The following RGS21 variants were observed in gnomAD, a reference collection of about 807,000 sequenced individuals.
RGS21 encodes regulator of G-protein signalling 21.
A neutral mutation model predicts 18.7 loss-of-function variants in RGS21; 19 were observed. The ratio of observed to expected loss-of-function variants is 1.01; its 90% CI spans 0.71 to 1.49. The LOEUF is 1.49. Among genes scored for constraint, RGS21 ranks in the 40% most tolerant of loss-of-function variants. RGS21 has a pLI of 0.00. For synonymous variants in RGS21, 56 were observed against 57.8 expected (o/e 0.97, Z 0.14); for missense variants, 194 against 176.8 (o/e 1.10, Z -0.55).
Position 192,324,435 on chromosome 1 carries a change from T to C in RGS21, c.-61+7330T>C, listed in dbSNP as rs984851814. Among the ~76,000 whole-genome samples the C allele has an allele frequency of 2.1e-4, 32 of 152,094 alleles. 1 individual carries two copies. On this transcript the variant is annotated intron_variant, in intron 1 of 4. Coordinates refer to ENST00000417209, the MANE Select transcript of RGS21 (RefSeq NM_001039152.3). ...TGCACTTAACAATTTCATATAGCAG[T>C]AGTTGTAGAATTGAACTGAGTATCA...
intron 1 of RGS21, among the ~76,000 whole-genome samples, chr1:192,324,484 A>G (rs186289547): frequency 6.6e-6 from 1 of 152,228 alleles, no homozygotes; most frequent in African/African-American, 2.4e-5. Flanking sequence ...TTGTTCCCTT[A>G]AGAAGAGTAT....
chr1:192,351,700 CT>C (rs1659043012), intron 3 of RGS21, among the ~76,000 whole-genome samples: 2 of 146,064 alleles, frequency 1.4e-5, no homozygotes, highest in African/African-American at 5.0e-5. Flanking sequence ...GCTATATATG[CT>C]ATATATAGCA....
intron 3 of RGS21, among the ~76,000 whole-genome samples, chr1:192,351,331 C>T (rs1300184805): frequency 3.3e-5 from 5 of 152,056 alleles, no homozygotes; most frequent in Non-Finnish European, 7.4e-5. Context: ...TCGAGTTGGC[C>T]TATATATTTA....
Position 192,351,902 on chromosome 1 carries a change from C to A in RGS21, c.89-145C>A. 5 of 506,878 alleles carry A rather than the reference C, an allele frequency of 9.9e-6. No individual in the cohort carries two copies. In the South Asian group the frequency reaches 1.6e-4, roughly 16 times the overall value. 31.4% of individuals were successfully genotyped at this position (506,878 alleles called of 1,614,324 possible). ...AAATAAAGTTTTCTAGAGTTAGCAACTAAAACATACATTACATTTAGATGC... is the reference window on the plus strand; with the variant it reads ...AAATAAAGTTTTCTAGAGTTAGCAAATAAAACATACATTACATTTAGATGC... On this transcript the variant is annotated intron_variant, in intron 3 of 4. Coordinates refer to ENST00000417209, the MANE Select transcript of RGS21 (RefSeq NM_001039152.3).
chr1:192,352,608 T>C (rs1054705594), intron 4 of RGS21, among the ~76,000 whole-genome samples: 6 of 152,086 alleles, frequency 3.9e-5, no homozygotes, highest in Non-Finnish European at 7.4e-5. Context: ...ATGGATAGCA[T>C]TCTTGAATAT....
At chr1:192,354,984 T>C (rs1370215286) in intron 4 of RGS21, among the ~76,000 whole-genome samples, 1 of 151,722 alleles carries the variant, frequency 6.6e-6, no homozygotes, top group Non-Finnish European at 1.5e-5. Context: ...AGACTATATA[T>C]TGAACTTTCA....
intron 1 of RGS21, among the ~76,000 whole-genome samples, chr1:192,318,025 A>G (rs1246540963): frequency 6.6e-6 from 1 of 152,072 alleles, no homozygotes; most frequent in African/African-American, 2.4e-5. Flanking sequence ...CCTAAAACTT[A>G]TGACACCAAA....
At chr1:192,338,816 G>A (rs79232814) in intron 1 of RGS21, among the ~76,000 whole-genome samples, 21,752 of 151,852 alleles carry the variant, frequency 0.14, 1,672 homozygotes, top group South Asian at 0.24. Context: ...AATACTTATT[G>A]AATACATGAA....
intron 1 of RGS21, among the ~76,000 whole-genome samples, chr1:192,330,594 AAG>A (rs1658632672): frequency 1.3e-5 from 2 of 152,194 alleles, no homozygotes; most frequent in Admixed American, 6.6e-5. Flanking sequence ...GTTTTTCAGT[AAG>A]ACTCTTCTAA....
At chr1:192,348,633 CTTAG>C (rs1166163396) in intron 3 of RGS21, among the ~76,000 whole-genome samples, 2 of 152,042 alleles carry the variant, frequency 1.3e-5, no homozygotes, top group African/African-American at 4.8e-5. Flanking sequence ...AATAAAATAT[CTTAG>C]TTAACACAAC....
At chr1:192,346,343 T>TC (rs1658943841) in intron 2 of RGS21, among the ~76,000 whole-genome samples, 1 of 152,260 alleles carries the variant, frequency 6.6e-6, no homozygotes, top group East Asian at 1.9e-4. Context: ...AGATTAGTTA[T>TC]CTTGCCGTGC....
At chr1:192,347,270 T>C (rs1658963742) in intron 2 of RGS21, 43 bp from the exon 3 acceptor site, 1 of 1,155,364 alleles carries the variant, frequency 8.7e-7, no homozygotes, top group Non-Finnish European at 1.3e-6. Context: ...ATATTACTAT[T>C]GGTTAAAGAA....
chr1:192,364,067 T>C (rs572117674), intron 4 of RGS21, among the ~76,000 whole-genome samples: 1 of 152,250 alleles, frequency 6.6e-6, no homozygotes, highest in South Asian at 2.1e-4. Context: ...AGCTTAACAC[T>C]GAAGAAGCAG....
At chr1:192,360,799 A>G (rs947480667) in intron 4 of RGS21, among the ~76,000 whole-genome samples, 16 of 152,128 alleles carry the variant, frequency 1.1e-4, no homozygotes, top group African/African-American at 3.9e-4. Context: ...TCTCCTTTTT[A>G]ATATTTCATA....
intron 1 of RGS21, among the ~76,000 whole-genome samples, chr1:192,320,463 C>T (rs1658479472): frequency 6.7e-6 from 1 of 148,210 alleles, no homozygotes; most frequent in Non-Finnish European, 1.5e-5. Context: ...TCAATAAATG[C>T]TAATCCTCTA....
intron 1 of RGS21, among the ~76,000 whole-genome samples, chr1:192,327,634 G>A (rs1261785999): frequency 3.3e-5 from 5 of 151,734 alleles, no homozygotes; most frequent in Non-Finnish European, 5.9e-5. Context: ...CACCACACCC[G>A]GCTAATTTTT....
chr1:192,318,785 C>T (rs944132351), intron 1 of RGS21, among the ~76,000 whole-genome samples: 3 of 151,974 alleles, frequency 2.0e-5, no homozygotes, highest in African/African-American at 7.2e-5. Flanking sequence ...ATAACACTTC[C>T]AAGAACTATT....
intron 4 of RGS21, among the ~76,000 whole-genome samples, chr1:192,355,023 T>G (rs1252957378): frequency 6.6e-6 from 1 of 151,666 alleles, no homozygotes; most frequent in Non-Finnish European, 1.5e-5. Context: ...TAATTTCAGC[T>G]GGATTTTATG....
intron 4 of RGS21, among the ~76,000 whole-genome samples, chr1:192,365,624 G>GA (rs1659247933): frequency 6.6e-6 from 1 of 151,892 alleles, no homozygotes; most frequent in Non-Finnish European, 1.5e-5. Context: ...AAAGGTAGGT[G>GA]AAAAAAATGT....
Sources: allele counts gnomAD v4.1 joint callset (sites outside exome capture counted in the v4.1 genomes callset), GRCh38; gene constraint gnomAD v4.1.1; transcripts MANE v1.5; gene names NCBI Gene and HGNC (gene_info 2026-07-23, HGNC 2026-07-21).